Variants in POMZP3 observed in about 807,000 individuals in gnomAD.
POMZP3 encodes POM121 and ZP3 fusion protein.
A neutral mutation model predicts 19.8 loss-of-function variants in POMZP3; 10 were observed. The ratio of observed to expected loss-of-function variants is 0.51; its 90% confidence interval spans 0.31 to 0.86. The LOEUF (loss-of-function observed/expected upper bound fraction) is 0.86. Ranked by LOEUF, POMZP3 falls within the 40% of genes least tolerant of loss-of-function variation. The pLI, the probability that POMZP3 is intolerant of heterozygous loss-of-function variation, is 0.04. For synonymous variants in POMZP3, 57 were observed against 85.8 expected, an observed-to-expected ratio of 0.66 and a Z score of 1.85; for missense variants, 152 against 228.1, an observed-to-expected ratio of 0.67 and a Z score of 2.15.
chr7:76,624,120 TAAAGTA>T (rs754946150), intron 3 of POMZP3, among the ~76,000 whole-genome samples: 3 of 93,662 alleles, frequency 3.2e-5, no homozygotes, highest in Non-Finnish European at 6.6e-5. Context: ...ATTTCTGTCC[TAAAGTA>T]GATTGCTAAT....
rs1185563761 is a variant in POMZP3, at chr7:76,617,116, C to T, written c.345+1067G>A. Among the ~76,000 whole-genome samples, 4 of 96,036 alleles carry T rather than the reference C, an allele frequency of 4.2e-5. 2 individuals are homozygous for T. The highest frequency in any genetic ancestry group is 4.0e-4 in the Admixed American group (4 of 9,934). The allele number at this position is 96,036 out of a possible 152,430, so 63.0% of individuals were successfully genotyped here. A position where few individuals can be genotyped will look rare whatever the true frequency, so the allele number is the denominator to read the frequency against. On this transcript the variant is annotated intron_variant, in intron 4 of 6. Transcript: ENST00000310842. ...CTGGAGTAGCTGGGACTACAGGTGCCCACCATCATGCCCAGCTAATTTTTT... is the reference window on the plus strand; with the variant it reads ...CTGGAGTAGCTGGGACTACAGGTGCTCACCATCATGCCCAGCTAATTTTTT...
At chr7:76,618,797 TTTTA>T (rs972089824) in intron 3 of POMZP3, among the ~76,000 whole-genome samples, 4 of 151,400 alleles carry the variant, frequency 2.6e-5, no homozygotes, top group Non-Finnish European at 4.4e-5. Context: ...TTGTTAAAGA[TTTTA>T]TTTATTTATT....
chr7:76,610,553 G>T (rs1436971433), intron 6 of POMZP3, among the ~76,000 whole-genome samples: 2 of 151,950 alleles, frequency 1.3e-5, no homozygotes, highest in Non-Finnish European at 2.9e-5. Context: ...TTGGGAGGCT[G>T]AGGCAGGAGA....
chr7:76,622,775 A>C (rs1057411926), intron 3 of POMZP3, among the ~76,000 whole-genome samples: 2 of 151,810 alleles, frequency 1.3e-5, no homozygotes, highest in South Asian at 4.2e-4. Flanking sequence ...TCCTGAGCTC[A>C]AGCGATCTTC....
Position 76,615,549 on chromosome 7 carries a change from C to A in POMZP3, c.345+2634G>T. 2.3e-5 allele frequency: 2 copies of A among 87,806 alleles called. 1 individual carries two copies. 5.4% of individuals were successfully genotyped at this position (87,806 alleles called of 1,614,324 possible). A position where few individuals can be genotyped will look rare whatever the true frequency, so the allele number is the denominator to read the frequency against. ...CATCTTTGAAAAGTTTCTACTTTGT[C>A]CCTTAATGCCACCCTAACGTATGAG... On this transcript the variant is annotated intron_variant, in intron 4 of 6. Coordinates refer to ENST00000310842, the MANE Select transcript of POMZP3 (RefSeq NM_012230.5).
intron 3 of POMZP3, among the ~76,000 whole-genome samples, chr7:76,622,939 A>G (rs1436009431): frequency 6.6e-6 from 1 of 151,244 alleles, no homozygotes; most frequent in East Asian, 1.9e-4. Flanking sequence ...TAGCTGGATC[A>G]TATCTCACTG....
rs1431714153 is a variant in POMZP3, at chr7:76,611,717, C to A, written c.437+5G>T. 6.8e-6 allele frequency: 10 copies of A among 1,478,182 alleles called. 1 individual carries two copies. The South Asian group carries it at 1.1e-4, about 17-fold the overall frequency. 91.6% of individuals were successfully genotyped at this position (1,478,182 alleles called of 1,614,324 possible). On this transcript the variant is annotated splice_donor_5th_base_variant and intron_variant, in intron 5 of 6. Coordinates refer to ENST00000310842, the MANE Select transcript of POMZP3 (RefSeq NM_012230.5). ...CTACTCCAGTCACGGAGCACCTGTCCTCACCTGTTGGAAGGCTTGCTGAAG... is the reference window on the plus strand; with the variant it reads ...CTACTCCAGTCACGGAGCACCTGTCATCACCTGTTGGAAGGCTTGCTGAAG...
intron 1 of POMZP3, 116 bp from the exon 2 acceptor site, chr7:76,626,331 G>C (rs1295427870): frequency 9.4e-7 from 1 of 1,060,390 alleles, no homozygotes; most frequent in Non-Finnish European, 1.4e-6. Context: ...CTCTTTCTAC[G>C]CAACACAGAA....
At chr7:76,623,660 T>C (rs1815694116) in intron 3 of POMZP3, among the ~76,000 whole-genome samples, 1 of 148,150 alleles carries the variant, frequency 6.7e-6, no homozygotes, top group Non-Finnish European at 1.5e-5. Flanking sequence ...ATTAGCTGGC[T>C]GTGATGGTAC....
chr7:76,610,362 C>A, intron 6 of POMZP3, 147 bp from the exon 7 acceptor site: 1 of 1,255,624 alleles, frequency 8.0e-7, no homozygotes, highest in Non-Finnish European at 1.1e-6. Context: ...AAAAACACAG[C>A]TTTCTCGGCC....
rs1187675252 is a variant in POMZP3, at chr7:76,627,104, C to G, written c.-548G>C. The G allele has an allele frequency of 1.5e-6, 2 of 1,365,884 alleles. No individual in the cohort carries two copies. The highest frequency in any genetic ancestry group is 3.0e-5 in the African/African-American group (2 of 66,682). 84.6% of individuals were successfully genotyped at this position (1,365,884 alleles called of 1,614,324 possible). On this transcript the variant is annotated 5_prime_UTR_variant, in exon 1 of 7. Coordinates refer to ENST00000310842, the MANE Select transcript of POMZP3 (RefSeq NM_012230.5). Reference sequence around the variant, plus strand: ...CACCAGGCCGCGGTAGTCCCCACGGCCAGCCAGGCCAGCGCAGCCGCAGCA... The same window carrying G: ...CACCAGGCCGCGGTAGTCCCCACGGGCAGCCAGGCCAGCGCAGCCGCAGCA...
chr7:76,622,228 A>C (rs1486668914), intron 3 of POMZP3, among the ~76,000 whole-genome samples: 8 of 151,732 alleles, frequency 5.3e-5, no homozygotes, highest in Admixed American at 4.0e-4. Context: ...CTGTCTATGG[A>C]ATGGTCATTC....
intron 3 of POMZP3, among the ~76,000 whole-genome samples, chr7:76,619,059 A>T (rs1303283330): frequency 6.6e-6 from 1 of 152,132 alleles, no homozygotes; most frequent in Non-Finnish European, 1.5e-5. Context: ...AAGTGCTGAG[A>T]TTACAGGCAT....
rs544272755 is a variant in POMZP3, at chr7:76,627,244, C to T, written c.-688G>A. Reference sequence around the variant, plus strand: ...CGCCTGCTCCAGCCGCCGCAGCCGCCGGAGACATCGCGGCTCCGCGCCGCG... The same window carrying T: ...CGCCTGCTCCAGCCGCCGCAGCCGCTGGAGACATCGCGGCTCCGCGCCGCG... On this transcript the variant is annotated 5_prime_UTR_variant, in exon 1 of 7. Transcript: ENST00000310842. 4 of 1,391,958 alleles carry T rather than the reference C, an allele frequency of 2.9e-6. No homozygotes were observed. Among genetic ancestry groups the T allele is most frequent in the Non-Finnish European group, 3.7e-6 (4 of 1,067,722 alleles). 86.2% of individuals were successfully genotyped at this position (1,391,958 alleles called of 1,614,324 possible). A position where few individuals can be genotyped will look rare whatever the true frequency, so the allele number is the denominator to read the frequency against.
rs772582029 is a variant in POMZP3, at chr7:76,626,019, TTC to T, written c.44_45del (p.Arg15LysfsTer22). ...ACTCACATCGCAGAACGCGAAAATCTTCTGTCAGGAGGGGCGATCCTCAGAGT... is the reference window on the plus strand; with the variant it reads ...ACTCACATCGCAGAACGCGAAAATCTTGTCAGGAGGGGCGATCCTCAGAGT... ...PVTLRIAPPDRRFSRSAIPEQ... is the reference protein window; with the variant it reads ...PVTLRIAPPDXRFSRSAIPEQ... On this transcript the variant is annotated frameshift_variant, in exon 2 of 7. Coordinates refer to ENST00000310842, the MANE Select transcript of POMZP3 (RefSeq NM_012230.5). LOFTEE classifies it high-confidence loss of function. 11 of 1,613,710 alleles carry T rather than the reference TTC, an allele frequency of 6.8e-6. No individual in the cohort carries two copies. The highest frequency in any genetic ancestry group is 6.7e-5 in the East Asian group (3 of 44,884).
chr7:76,611,333 G>A (rs1377643265), intron 6 of POMZP3, 121 bp downstream of exon 6: 2 of 1,156,190 alleles, frequency 1.7e-6, no homozygotes, highest in Admixed American at 2.9e-5. Context: ...GGTAGCTGCA[G>A]GCCTAGGTAC....
chr7:76,626,905 C>A lies in POMZP3; in HGVS notation c.-349G>T. 3 of 1,389,892 alleles carry A rather than the reference C, an allele frequency of 2.2e-6. No homozygotes were observed. The highest frequency in any genetic ancestry group is 2.8e-6 in the Non-Finnish European group (3 of 1,074,692). The allele number at this position is 1,389,892 out of a possible 1,614,324, so 86.1% of individuals were successfully genotyped here. On this transcript the variant is annotated 5_prime_UTR_variant, in exon 1 of 7. Coordinates refer to ENST00000310842, the MANE Select transcript of POMZP3 (RefSeq NM_012230.5). ...CGGCCCGGGCTTGCCCAGGTAACTG[C>A]CCATGAGGAGCAGTTCGGCAGGGTC...
At position 76,611,601 on chromosome 7, in the gene POMZP3, AAG is replaced by A. The variant is rs770328369; in HGVS notation, c.438-12_438-11del. On this transcript the variant is annotated splice_polypyrimidine_tract_variant and intron_variant, in intron 5 of 6. Coordinates refer to ENST00000310842, the MANE Select transcript of POMZP3 (RefSeq NM_012230.5). ...TTCCACTGGGAACCAGCTGAGATGA[AAG>A]AGAAGCAGCTTAGATTTTTGTTGCC... is the stretch of plus-strand genomic sequence containing the variant. 5 of 1,594,404 alleles carry A rather than the reference AAG, an allele frequency of 3.1e-6. No homozygotes were observed. The highest frequency in any genetic ancestry group is 4.3e-6 in the Non-Finnish European group (5 of 1,166,124).
chr7:76,626,647 A>C, intron 1 of POMZP3, 61 bp downstream of exon 1: 1 of 1,349,314 alleles, frequency 7.4e-7, no homozygotes. Context: ...TCGGATTTAA[A>C]AGTCCTCGAT....
Sources: allele counts gnomAD v4.1 joint callset (sites outside exome capture counted in the v4.1 genomes callset), GRCh38; gene constraint gnomAD v4.1.1; transcripts MANE v1.5; gene names NCBI Gene and HGNC (gene_info 2026-07-23, HGNC 2026-07-21).